Variants in WNT7B observed in about 807,000 individuals in gnomAD.
WNT7B encodes the protein Wnt family member 7B.
In WNT7B, 19 loss-of-function variants were observed where a neutral mutation model predicts 38.2. The observed-to-expected ratio is 0.50, with a 90% CI of 0.35 to 0.73. WNT7B has a LOEUF of 0.73. Ranked by LOEUF, WNT7B falls within the 30% of genes least tolerant of loss-of-function variation. The probability of loss-of-function intolerance (pLI) is 0.01; values close to 1 mark genes in which losing one functional copy is unlikely to be tolerated. For synonymous variants in WNT7B, 243 were observed against 209.3 expected, an observed-to-expected ratio of 1.16 and a Z score of -1.39; for missense variants, 423 against 507.9, an observed-to-expected ratio of 0.83 and a Z score of 1.61.
intron 3 of WNT7B, among the ~76,000 whole-genome samples, chr22:45,928,801 T>C (rs1569110464): frequency 6.6e-6 from 1 of 152,170 alleles, no homozygotes; most frequent in African/African-American, 2.4e-5. Context: ...ATGGCACCTG[T>C]AGCCCAGAGA....
intron 2 of WNT7B, among the ~76,000 whole-genome samples, chr22:45,943,902 C>T (rs1931731585): frequency 6.6e-6 from 1 of 152,182 alleles, no homozygotes; most frequent in African/African-American, 2.4e-5. Flanking sequence ...GGGGCCCTAC[C>T]CACCCCGGGG....
intron 2 of WNT7B, 30 bp from the exon 3 acceptor site, chr22:45,931,399 G>T: frequency 6.4e-7 from 1 of 1,556,932 alleles, no homozygotes; most frequent in South Asian, 1.2e-5. Flanking sequence ...CAGAAGGTGA[G>T]ACCCCAGGCC....
intron 2 of WNT7B, among the ~76,000 whole-genome samples, chr22:45,934,032 C>T (rs919083608): frequency 6.6e-6 from 1 of 152,252 alleles, no homozygotes; most frequent in Non-Finnish European, 1.5e-5. Context: ...TCAGGGCTCT[C>T]CACATGCGCC....
chr22:45,925,149 G>T (rs1481539813), intron 3 of WNT7B: 11 of 974,476 alleles, frequency 1.1e-5, no homozygotes, highest in Non-Finnish European at 1.3e-5. Context: ...GTGGGTGCTG[G>T]GTGGGCCCAA....
rs879566254 is a variant in WNT7B, at chr22:45,920,578, C to T, written c.*2278G>A. 6 of 135,170 alleles carry T rather than the reference C, an allele frequency of 4.4e-5. No individual in the cohort carries two copies. Among genetic ancestry groups the T allele is most frequent in the South Asian group, 2.7e-4 (1 of 3,738 alleles). The allele number at this position is 135,170 out of a possible 1,614,324, so 8.4% of individuals were successfully genotyped here. A position where few individuals can be genotyped will look rare whatever the true frequency, so the allele number is the denominator to read the frequency against. On this transcript the variant is annotated 3_prime_UTR_variant, in exon 4 of 4. Coordinates refer to ENST00000339464, the MANE Select transcript of WNT7B (RefSeq NM_058238.3). ...CAGCCAAGGGACAGTGCGAGTGTCT[C>T]GGTGGCATCAGGGGCCCCAAGGGTC...
chr22:45,960,172 C>A (rs1932163414), intron 1 of WNT7B, among the ~76,000 whole-genome samples: 1 of 152,184 alleles, frequency 6.6e-6, no homozygotes, highest in Admixed American at 6.5e-5. Context: ...TTCTCCTTGG[C>A]CACTTTGGCC....
intron 3 of WNT7B, chr22:45,927,708 C>G: frequency 1.5e-6 from 1 of 680,052 alleles, no homozygotes; most frequent in Non-Finnish European, 2.7e-6. Context: ...CCAGCCTGGG[C>G]AACATGGTGA....
chr22:45,927,683 G>T, intron 3 of WNT7B: 1 of 705,382 alleles, frequency 1.4e-6, no homozygotes, highest in East Asian at 2.7e-5. Context: ...ATCACCTGAG[G>T]TTAGGGGTTC....
chr22:45,929,058 A>G (rs1050356824), intron 3 of WNT7B, among the ~76,000 whole-genome samples: 1 of 152,038 alleles, frequency 6.6e-6, no homozygotes, highest in Non-Finnish European at 1.5e-5. Context: ...GGGGAGAGTG[A>G]GAGTTTCTTC....
chr22:45,969,985 C>T (rs758888661), intron 1 of WNT7B, among the ~76,000 whole-genome samples: 2 of 152,226 alleles, frequency 1.3e-5, no homozygotes, highest in Non-Finnish European at 2.9e-5. Flanking sequence ...GTGCAGCCAT[C>T]GGGTCAGAGA....
chr22:45,928,865 ACG>A (rs1931187443), intron 3 of WNT7B, among the ~76,000 whole-genome samples: 1 of 151,778 alleles, frequency 6.6e-6, no homozygotes, highest in Non-Finnish European at 1.5e-5. Context: ...ACCGCATACC[ACG>A]ACATACCACG....
chr22:45,953,768 G>C (rs975164702), intron 1 of WNT7B, among the ~76,000 whole-genome samples: 1 of 151,194 alleles, frequency 6.6e-6, no homozygotes. Context: ...AAAAGAACAA[G>C]TGTTGCCAAG....
chr22:45,940,153 T>C (rs1467704144), intron 2 of WNT7B, among the ~76,000 whole-genome samples: 1 of 152,108 alleles, frequency 6.6e-6, no homozygotes, highest in African/African-American at 2.4e-5. Context: ...GATGGACACA[T>C]AGGGCCAATG....
At chr22:45,962,030 G>A (rs758496861) in intron 1 of WNT7B, among the ~76,000 whole-genome samples, 18 of 152,208 alleles carry the variant, frequency 1.2e-4, no homozygotes, top group Admixed American at 8.5e-4. Flanking sequence ...GGAGCAGAGC[G>A]TCCGCTTGCT....
intron 3 of WNT7B, among the ~76,000 whole-genome samples, chr22:45,930,895 C>T (rs1042845327): frequency 2.6e-5 from 4 of 152,216 alleles, no homozygotes; most frequent in East Asian, 1.9e-4. Context: ...AGCCTCGGCT[C>T]TCACATCTCT....
rs1441509847 is a variant in WNT7B at position 45,921,491 on chromosome 22, G to A, written c.*1365C>T. On this transcript the variant is annotated 3_prime_UTR_variant, in exon 4 of 4. Transcript: ENST00000339464. The stretch of plus-strand genomic sequence containing the variant: ...CCCCAGGCTGGGCAGGAGAAAGGTG[G>A]AAGCCTCCAGTCACAGCTGCAGGGT... 6.6e-6 allele frequency: 1 copy of A among 152,294 alleles called. No homozygotes were observed. The highest frequency in any genetic ancestry group is 1.5e-5 in the Non-Finnish European group (1 of 68,086). The allele number at this position is 152,294 out of a possible 1,614,324, so 9.4% of individuals were successfully genotyped here.
intron 2 of WNT7B, among the ~76,000 whole-genome samples, chr22:45,947,256 C>A (rs1162790982): frequency 6.6e-6 from 1 of 152,242 alleles, no homozygotes; most frequent in Non-Finnish European, 1.5e-5. Context: ...CTAAGAAGTT[C>A]ACTTTATCCT....
At chr22:45,939,632 AACACACACACACACACTCACACAC>A (rs1196075416) in intron 2 of WNT7B, among the ~76,000 whole-genome samples, 1 of 144,788 alleles carries the variant, frequency 6.9e-6, no homozygotes, top group African/African-American at 2.7e-5. Flanking sequence ...TGTCTCTACA[AACACACACACACACACTCACACAC>A]ACACACACAC....
At chr22:45,933,074 G>T (rs934408252) in intron 2 of WNT7B, among the ~76,000 whole-genome samples, 5 of 152,188 alleles carry the variant, frequency 3.3e-5, no homozygotes, top group African/African-American at 1.2e-4. Flanking sequence ...AGCCAGGTGG[G>T]GGTCCCTCTT....
Sources: gnomAD v4.1 joint callset for allele counts (sites outside exome capture counted in the v4.1 genomes callset) on GRCh38, gnomAD v4.1.1 for gene constraint, MANE v1.5 for transcripts, NCBI Gene and HGNC (gene_info 2026-07-23, HGNC 2026-07-21) for gene names.